PIGN: variants seen among roughly 807,000 people sequenced by gnomAD.
The protein encoded by PIGN is GPI ethanolamine phosphate transferase 1.
A neutral mutation model predicts 125.4 loss-of-function variants in PIGN; 117 were observed. The ratio of observed to expected loss-of-function variants is 0.93; its 90% CI spans 0.80 to 1.09. The LOEUF (loss-of-function observed/expected upper bound fraction) is 1.09, where lower values mean the gene tolerates loss of function less well. PIGN is among the 50% of genes least tolerant of loss of function. PIGN has a pLI of 0.00. For missense variants in PIGN, 1,075 were observed against 1,094.9 expected, an observed-to-expected ratio of 0.98 and a Z score of 0.26; for synonymous variants, 392 against 377.8, an observed-to-expected ratio of 1.04 and a Z score of -0.44.
At chr18:62,033,639 C>T (rs1337086444) in intron 23 of PIGN, among the ~76,000 whole-genome samples, 1 of 152,014 alleles carries the variant, frequency 6.6e-6, no homozygotes, top group Non-Finnish European at 1.5e-5. Context: ...TCCCTCAAGC[C>T]CCTTCTCAAT....
At chr18:62,109,743 A>C in intron 17 of PIGN, 91 bp downstream of exon 17, 1 of 1,076,478 alleles carries the variant, frequency 9.3e-7, no homozygotes, top group South Asian at 1.8e-5. Context: ...AATATATTTG[A>C]TGACTTATGG....
intron 4 of PIGN, among the ~76,000 whole-genome samples, 194 bp downstream of exon 4, chr18:62,160,939 G>C (rs2036929535): frequency 6.6e-6 from 1 of 152,158 alleles, no homozygotes; most frequent in South Asian, 2.1e-4. Context: ...AACAATACCA[G>C]AAATAACACC....
chr18:62,165,989 A>G (rs574697137), intron 1 of PIGN, among the ~76,000 whole-genome samples: 3 of 152,292 alleles, frequency 2.0e-5, no homozygotes, highest in African/African-American at 4.8e-5. Flanking sequence ...ATAAAAATTG[A>G]TGTAGGGTCA....
intron 11 of PIGN, among the ~76,000 whole-genome samples, chr18:62,141,667 C>G (rs1341519105): frequency 6.6e-6 from 1 of 152,214 alleles, no homozygotes; most frequent in African/African-American, 2.4e-5. Context: ...CCTCTAATCT[C>G]TTCTCCATGC....
intron 25 of PIGN, among the ~76,000 whole-genome samples, chr18:62,086,195 A>T (rs2033691204): frequency 1.3e-5 from 2 of 152,252 alleles, no homozygotes; most frequent in African/African-American, 4.8e-5. Flanking sequence ...ATTTTAAGGT[A>T]AAGAACAGTG....
chr18:62,066,503 T>G (rs567763161), intron 30 of PIGN, among the ~76,000 whole-genome samples: 1 of 152,342 alleles, frequency 6.6e-6, no homozygotes, highest in African/African-American at 2.4e-5. Flanking sequence ...TTTTGGTAGA[T>G]GTGTGACCAG....
chr18:62,161,041 C>T, intron 4 of PIGN, 92 bp downstream of exon 4: 1 of 765,976 alleles, frequency 1.3e-6, no homozygotes. Context: ...CACCCCTGTG[C>T]CCAGTGCATG....
intron 14 of PIGN, among the ~76,000 whole-genome samples, chr18:62,115,977 C>T (rs1413854931): frequency 2.0e-5 from 3 of 152,100 alleles, no homozygotes; most frequent in African/African-American, 4.8e-5. Flanking sequence ...TCTGTGCCTA[C>T]TCTAAGAGCT....
intron 14 of PIGN, among the ~76,000 whole-genome samples, chr18:62,116,429 TCTG>T (rs1373657481): frequency 1.3e-5 from 2 of 152,216 alleles, no homozygotes; most frequent in African/African-American, 2.4e-5. Flanking sequence ...TTGATGACCC[TCTG>T]CTGCTACTTC....
chr18:62,153,605 T>C (rs1448080308), intron 7 of PIGN: 2 of 152,158 alleles, frequency 1.3e-5, no homozygotes, highest in African/African-American at 2.4e-5. Flanking sequence ...ATCATTTTCT[T>C]ACACAGATTT....
chr18:62,180,169 T>A (rs544565191), intron 1 of PIGN, among the ~76,000 whole-genome samples: 19 of 152,264 alleles, frequency 1.2e-4, no homozygotes, highest in East Asian at 7.7e-4. Flanking sequence ...TTCCTTTTTT[T>A]AAAAAATGAA....
At position 62,161,277 on chromosome 18, in the gene PIGN, G is replaced by T. The variant is rs2036943552; in HGVS notation, c.77C>A (p.Ser26Tyr). The T allele has an allele frequency of 6.2e-7, 1 of 1,613,706 alleles. No individual in the cohort carries two copies. The highest frequency in any genetic ancestry group is 2.2e-5 in the East Asian group (1 of 44,858). Residue 26 changes from serine to tyrosine, a missense_variant, in exon 4 of 31, where the codon TCT becomes TAT. Ser to Tyr is a moderately radical substitution (Grantham distance 144). Around this residue, in one of 3 missense-constraint regions of PIGN, gnomAD observed 152 missense variants for 162.9 expected, o/e 0.93. Coordinates refer to ENST00000640252, the MANE Select transcript of PIGN (RefSeq NM_176787.5). ...FASIFDIYFT[S>Y]PLVHGMTPQF... ...AGGAGTCATTCCATGAACCAAAGGA[G>T]ATGTAAAATAAATGTCAAAGATGGA...
downstream of PIGN, among the ~76,000 whole-genome samples, chr18:62,040,318 C>T (rs2030337103): frequency 6.6e-6 from 1 of 152,112 alleles, no homozygotes; most frequent in Non-Finnish European, 1.5e-5. Context: ...GGGTGCCGCA[C>T]CCCATGCAGT....
intron 1 of PIGN, among the ~76,000 whole-genome samples, chr18:62,165,182 A>G (rs1377697011): frequency 6.6e-6 from 1 of 152,200 alleles, no homozygotes; most frequent in Non-Finnish European, 1.5e-5. Context: ...GTTGTTGTAA[A>G]GTGAGGTTCC....
Position 62,082,678 on chromosome 18 carries a change from T to C in PIGN, c.2571A>G (p.Ser857=). The C allele has an allele frequency of 1.3e-6, 2 of 1,522,342 alleles. No homozygotes were observed. Among genetic ancestry groups the C allele is most frequent in the East Asian group, 4.8e-5 (2 of 41,772 alleles). 94.3% of individuals were successfully genotyped at this position (1,522,342 alleles called of 1,614,324 possible). The stretch of plus-strand genomic sequence containing the variant: ...CTTAAACTAATTCATCTTACCTTTT[T>C]GACGATAACTGAGTAGTCAACTGAA... The part of the protein sequence containing the change: ...EAVQLTTQLS[S]KSLFLIVLVI... Residue 857 remains serine, a synonymous_variant, in exon 28 of 31, where the codon TCA becomes TCG. Transcript: ENST00000640252.
chr18:62,053,696 GAAC>G lies in PIGN; in HGVS notation c.2673-7720_2673-7718del, dbSNP rs1383579398. Reference sequence around the variant, plus strand: ...GATACCCTTTTCTCAAAAATTGATAGAACAACAACACTGAAAATCAGCAAGAAT... The same window carrying G: ...GATACCCTTTTCTCAAAAATTGATAGAACAACACTGAAAATCAGCAAGAAT... On this transcript the variant is annotated intron_variant, in intron 30 of 30. Transcript: ENST00000640252. 9.9e-5 allele frequency among the ~76,000 whole-genome samples: 15 copies of G among 152,264 alleles called. No individual in the cohort carries two copies. In the East Asian group the frequency reaches 2.9e-3, roughly 29 times the overall value.
chr18:62,110,066 C>T, intron 16 of PIGN, 93 bp from the exon 17 acceptor site: 1 of 1,194,216 alleles, frequency 8.4e-7, no homozygotes, highest in Non-Finnish European at 1.2e-6. Flanking sequence ...AAACCTATTA[C>T]TTTCTTTCAA....
At chr18:62,035,827 T>C (rs780769486) in intron 23 of PIGN, among the ~76,000 whole-genome samples, 5 of 152,156 alleles carry the variant, frequency 3.3e-5, no homozygotes, top group Non-Finnish European at 7.3e-5. Flanking sequence ...TCATCAAGTA[T>C]GTCAGGAACA....
At chr18:62,121,518 G>C (rs573490931) in intron 14 of PIGN, among the ~76,000 whole-genome samples, 1 of 152,066 alleles carries the variant, frequency 6.6e-6, no homozygotes, top group South Asian at 2.1e-4. Flanking sequence ...TACTTCTTAA[G>C]GGCACAACCT....
Sources: gnomAD v4.1 joint callset for allele counts (sites outside exome capture counted in the v4.1 genomes callset) on GRCh38, gnomAD v4.1.1 for gene constraint, gnomAD v4.1.1 regional missense constraint, MANE v1.5 for transcripts, NCBI Gene and HGNC (gene_info 2026-07-23, HGNC 2026-07-21) for gene names.